Variants in SVIL observed in about 807,000 individuals in gnomAD.
SVIL encodes the protein archvillin.
A neutral mutation model predicts 240.4 loss-of-function variants in SVIL; 101 were observed. That is an observed-to-expected ratio of 0.42 (90% CI 0.36 to 0.50). The LOEUF (loss-of-function observed/expected upper bound fraction) is 0.50, where lower values mean the gene tolerates loss of function less well. SVIL is among the 20% of genes least tolerant of loss of function. The pLI is 0.01. For missense variants in SVIL, 2,512 were observed against 2,818.7 expected, an observed-to-expected ratio of 0.89 and a Z score of 2.46; for synonymous variants, 999 against 1,100.0, an observed-to-expected ratio of 0.91 and a Z score of 1.82.
chr10:29,518,188 C>G (rs7904150), intron 16 of SVIL, among the ~76,000 whole-genome samples: 66,512 of 151,946 alleles, frequency 0.44, 15,176 homozygotes, highest in African/African-American at 0.54. Context: ...AGGAGTTTGA[C>G]ACCAGCCTGG....
intron 36 of SVIL, among the ~76,000 whole-genome samples, chr10:29,458,991 A>ATTTTTT (rs34388233): frequency 8.1e-6 from 1 of 123,958 alleles, no homozygotes; most frequent in Admixed American, 8.1e-5. Context: ...TTCCTTTTCC[A>ATTTTTT]TTTTTTTTTT....
chr10:29,520,671 G>A (rs1193208540), intron 16 of SVIL, among the ~76,000 whole-genome samples: 2 of 152,160 alleles, frequency 1.3e-5, no homozygotes, highest in East Asian at 3.8e-4. Context: ...ACTTTGGAAG[G>A]CTGAGGTGGG....
intron 1 of SVIL, among the ~76,000 whole-genome samples, chr10:29,615,102 A>G (rs1957383706): frequency 6.6e-6 from 1 of 152,230 alleles, no homozygotes; most frequent in Non-Finnish European, 1.5e-5. Flanking sequence ...CAGCGGCCAC[A>G]GAGAAGGCCC....
chr10:29,542,874 C>A (rs998479053), intron 6 of SVIL, among the ~76,000 whole-genome samples: 9 of 152,184 alleles, frequency 5.9e-5, no homozygotes, highest in African/African-American at 2.2e-4. Context: ...TGGCTCATGA[C>A]CTGTTTCTCC....
intron 13 of SVIL, 37 bp from the exon 14 acceptor site, chr10:29,524,752 C>A (rs1950784843): frequency 6.2e-7 from 1 of 1,605,970 alleles, no homozygotes; most frequent in South Asian, 1.1e-5. Context: ...CATATACCAA[C>A]AAACAAAAGC....
In SVIL at chr10:29,509,357, GA is replaced by G. The variant is rs147183396; in HGVS notation, c.3516+3377del. ...AGAGAGAGAGAGAGAGAGAGAGAGA[GA>G]GAGAGAGAGAGAGAGAGAGAGAATA... On this transcript the variant is annotated intron_variant, in intron 17 of 37. Coordinates refer to ENST00000355867, the MANE Select transcript of SVIL (RefSeq NM_021738.3). Among the ~76,000 whole-genome samples the G allele has an allele frequency of 1.9e-3, 176 of 94,326 alleles. 4 individuals carry two copies. The highest frequency in any genetic ancestry group is 2.3e-3 in the Admixed American group (21 of 9,074). 61.9% of individuals were successfully genotyped at this position (94,326 alleles called of 152,430 possible).
intron 1 of SVIL, among the ~76,000 whole-genome samples, chr10:29,584,077 G>A (rs1313579158): frequency 6.6e-6 from 1 of 152,222 alleles, no homozygotes; most frequent in African/African-American, 2.4e-5. Flanking sequence ...ACGAAGGAAG[G>A]CTTCCTGGAG....
At chr10:29,658,118 A>T (rs1464052940) in intron 2 of SVIL, 1 of 152,230 alleles carries the variant, frequency 6.6e-6, no homozygotes, top group Non-Finnish European at 1.5e-5. Context: ...GAAAATAGCA[A>T]ACAATACAAG....
chr10:29,572,634 C>T (rs924997540), intron 1 of SVIL, among the ~76,000 whole-genome samples: 16 of 151,780 alleles, frequency 1.1e-4, no homozygotes, highest in African/African-American at 3.9e-4. Context: ...TGTGGTGGTA[C>T]ACACCTATAG....
intron 3 of SVIL, among the ~76,000 whole-genome samples, chr10:29,653,785 G>A (rs750968421): frequency 2.0e-5 from 3 of 152,110 alleles, no homozygotes; most frequent in Non-Finnish European, 4.4e-5. Flanking sequence ...AGTACAATTT[G>A]TTGAAGAGAT....
At chr10:29,546,461 A>C (rs4747664) in intron 6 of SVIL, among the ~76,000 whole-genome samples, 1 of 151,634 alleles carries the variant, frequency 6.6e-6, no homozygotes, top group South Asian at 2.1e-4. Context: ...CTAATCAATT[A>C]ACTATTTTTT....
chr10:29,467,818 A>G lies in SVIL; in HGVS notation c.5901T>C (p.Asp1967=). ...SSSKVTIHEC[D]EGSEPLGFWD... is the part of the protein sequence containing the mutation. ...AGAATCCGAGTGGCTCGGAGCCTTC[A>G]TCACACTCGTGTATTGTGACTTTGC... Residue 1967 remains aspartate, a synonymous_variant, in exon 33 of 38, where the codon GAT becomes GAC. Coordinates refer to ENST00000355867, the MANE Select transcript of SVIL (RefSeq NM_021738.3). The G allele has an allele frequency of 6.2e-7, 1 of 1,614,164 alleles. No homozygotes were observed. Among genetic ancestry groups the G allele is most frequent in the South Asian group, 1.1e-5 (1 of 91,080 alleles).
intron 2 of SVIL, among the ~76,000 whole-genome samples, chr10:29,684,672 T>A (rs1005527475): frequency 2.0e-5 from 3 of 152,122 alleles, no homozygotes; most frequent in African/African-American, 7.2e-5. Context: ...ATGCAGACCG[T>A]TAAAAGGTGC....
intron 3 of SVIL, among the ~76,000 whole-genome samples, chr10:29,646,546 C>T (rs544630004): frequency 6.6e-6 from 1 of 152,314 alleles, no homozygotes; most frequent in South Asian, 2.1e-4. Flanking sequence ...TGATGATGGC[C>T]AAGTGGGCAA....
chr10:29,626,549 G>A (rs981449363), intron 1 of SVIL, among the ~76,000 whole-genome samples: 1 of 152,276 alleles, frequency 6.6e-6, no homozygotes, highest in East Asian at 1.9e-4. Flanking sequence ...AGATTCTGAC[G>A]GTCTCAGGCA....
chr10:29,628,736 A>T (rs1957970656), intron 1 of SVIL, among the ~76,000 whole-genome samples: 1 of 152,240 alleles, frequency 6.6e-6, no homozygotes, highest in Non-Finnish European at 1.5e-5. Context: ...AGCCAAATGA[A>T]TGCATTCCAC....
chr10:29,647,287 C>T (rs992369441), intron 3 of SVIL: 1 of 152,210 alleles, frequency 6.6e-6, no homozygotes, highest in Non-Finnish European at 1.5e-5. Flanking sequence ...GCCTGCAAGC[C>T]TAAACCATCA....
rs1351622370 is a variant in SVIL, at chr10:29,458,381, G to C, written c.6559-48C>G. On this transcript the variant is annotated intron_variant, in intron 37 of 37. Coordinates refer to ENST00000355867, the MANE Select transcript of SVIL (RefSeq NM_021738.3). ...CCCGCGGCTCAGTGAAAGGAGCCGG[G>C]CGTGCGTGTGTTGTTTTACTCCCAT... 2.5e-6 allele frequency: 4 copies of C among 1,608,162 alleles called. No homozygotes were observed. The South Asian group carries it at 3.3e-5, about 13-fold the overall frequency.
At chr10:29,618,876 G>A (rs920256448) in intron 1 of SVIL, among the ~76,000 whole-genome samples, 4 of 152,206 alleles carry the variant, frequency 2.6e-5, no homozygotes, top group South Asian at 2.1e-4. Context: ...ATAGGCCACC[G>A]TAGACAGCTA....
Sources: gnomAD v4.1 joint callset for allele counts (sites outside exome capture counted in the v4.1 genomes callset) on GRCh38, gnomAD v4.1.1 for gene constraint, MANE v1.5 for transcripts, NCBI Gene and HGNC (gene_info 2026-07-23, HGNC 2026-07-21) for gene names.